SLC7A14: variants seen among roughly 807,000 people sequenced by gnomAD.
The protein encoded by SLC7A14 is gamma-aminobutyric acid transporter SLC7A14.
In SLC7A14, 37 loss-of-function variants were observed where a neutral mutation model predicts 60.2. The ratio of observed to expected loss-of-function variants is 0.61; its 90% CI spans 0.47 to 0.81. SLC7A14 has a LOEUF of 0.81. Among genes scored for constraint, SLC7A14 ranks in the 30% least tolerant of loss-of-function variants. The pLI, the probability that SLC7A14 is intolerant of heterozygous loss-of-function variation, is 0.00. For synonymous variants in SLC7A14, 399 were observed against 395.8 expected (o/e 1.01, Z -0.10); for missense variants, 886 against 982.7 (o/e 0.90, Z 1.32).
intron 1 of SLC7A14, among the ~76,000 whole-genome samples, chr3:170,548,862 C>T (rs555844364): frequency 6.6e-6 from 1 of 150,664 alleles, no homozygotes; most frequent in Non-Finnish European, 1.5e-5. Flanking sequence ...TCCTTTGGAG[C>T]ACGTTATGTA....
chr3:170,460,417 T>G lies in SLC7A14; in HGVS notation c.*6638A>C, dbSNP rs1055443240. 6.6e-6 allele frequency: 1 copy of G among 152,206 alleles called. No individual in the cohort carries two copies. The highest frequency in any genetic ancestry group is 2.4e-5 in the African/African-American group (1 of 41,448). 9.4% of individuals were successfully genotyped at this position (152,206 alleles called of 1,614,324 possible). ...CTCTCAGCCCAGACAGTTGAGGTAT[T>G]TATGCACCATCATAACATTAACAGC... is the stretch of plus-strand genomic sequence containing the variant. On this transcript the variant is annotated 3_prime_UTR_variant, in exon 8 of 8. Transcript: ENST00000231706.
intron 5 of SLC7A14, 48 bp from the exon 6 acceptor site, chr3:170,483,570 C>G: frequency 6.2e-7 from 1 of 1,603,690 alleles, no homozygotes; most frequent in Non-Finnish European, 8.5e-7. Context: ...GGAAGAACAG[C>G]ATGGATAGAG....
At chr3:170,540,782 A>G (rs1713997424) in intron 1 of SLC7A14, among the ~76,000 whole-genome samples, 1 of 152,204 alleles carries the variant, frequency 6.6e-6, no homozygotes, top group Non-Finnish European at 1.5e-5. Flanking sequence ...TTTTTAAATG[A>G]ATATCCAGCC....
At chr3:170,534,840 AC>A (rs1343717777) in intron 1 of SLC7A14, among the ~76,000 whole-genome samples, 2 of 152,178 alleles carry the variant, frequency 1.3e-5, no homozygotes, top group African/African-American at 4.8e-5. Flanking sequence ...ATTTCTACTG[AC>A]ACAAATAGTT....
At position 170,499,341 on chromosome 3, in the gene SLC7A14, C is replaced by A. The variant is rs183363267; in HGVS notation, c.542-457G>T. 2.8e-3 allele frequency among the ~76,000 whole-genome samples: 398 copies of A among 143,396 alleles called. 1 individual carries two copies. Among genetic ancestry groups the A allele is most frequent in the Non-Finnish European group, 4.3e-3 (291 of 66,942 alleles). 94.1% of individuals were successfully genotyped at this position (143,396 alleles called of 152,430 possible). On this transcript the variant is annotated intron_variant, in intron 3 of 7. Coordinates refer to ENST00000231706, the MANE Select transcript of SLC7A14 (RefSeq NM_020949.3). ...CTACACATGCCTATGCTATAGTCCA[C>A]AAGCAGATACCAGTATCTATTTGCA... is the stretch of plus-strand genomic sequence containing the variant.
intron 2 of SLC7A14, among the ~76,000 whole-genome samples, chr3:170,501,720 A>G (rs1712614826): frequency 6.6e-6 from 1 of 152,186 alleles, no homozygotes; most frequent in Non-Finnish European, 1.5e-5. Context: ...TTATGCACAA[A>G]CTTCTTCTCT....
chr3:170,483,085 G>T (rs1052120409), intron 6 of SLC7A14, among the ~76,000 whole-genome samples: 4 of 152,038 alleles, frequency 2.6e-5, no homozygotes, highest in Admixed American at 2.6e-4. Flanking sequence ...GAGGACAGTG[G>T]GGGGACACAC....
chr3:170,490,233 A>G (rs910454519), intron 4 of SLC7A14, among the ~76,000 whole-genome samples: 4 of 152,228 alleles, frequency 2.6e-5, no homozygotes, highest in Admixed American at 1.3e-4. Context: ...CTAAGTACCC[A>G]CAAAACAAAC....
chr3:170,537,660 A>G (rs1249577186), intron 1 of SLC7A14, among the ~76,000 whole-genome samples: 1 of 152,166 alleles, frequency 6.6e-6, no homozygotes, highest in Admixed American at 6.5e-5. Flanking sequence ...AACCAGAACT[A>G]CATGTACCTA....
chr3:170,584,758 A>G (rs1454549812), intron 1 of SLC7A14, among the ~76,000 whole-genome samples: 1 of 152,064 alleles, frequency 6.6e-6, no homozygotes, highest in Non-Finnish European at 1.5e-5. Flanking sequence ...GAGGAGAGCT[A>G]CCTTGCCCCC....
chr3:170,507,960 G>A lies in SLC7A14; in HGVS notation c.305-6615C>T, dbSNP rs146711635. Reference sequence around the variant, plus strand: ...GAAGAGGTGTCAGTTGCTCATCAGAGTTGTTCTTTTATTTTATAGATGATG... The same window carrying A: ...GAAGAGGTGTCAGTTGCTCATCAGAATTGTTCTTTTATTTTATAGATGATG... On this transcript the variant is annotated intron_variant, in intron 2 of 7. Transcript: ENST00000231706. Among the ~76,000 whole-genome samples, 31 of 152,292 alleles carry A rather than the reference G, an allele frequency of 2.0e-4. 1 individual carries two copies. The East Asian group carries it at 6.0e-3, about 29-fold the overall frequency.
Position 170,505,202 on chromosome 3 carries a change from GA to G in SLC7A14, c.305-3858del, listed in dbSNP as rs1166019456. 3.3e-5 allele frequency among the ~76,000 whole-genome samples: 5 copies of G among 151,994 alleles called. No homozygotes were observed. The East Asian group carries it at 7.7e-4, about 24-fold the overall frequency. On this transcript the variant is annotated intron_variant, in intron 2 of 7. Coordinates refer to ENST00000231706, the MANE Select transcript of SLC7A14 (RefSeq NM_020949.3). ...TCTCTTGTTTGGTTTGGAATTTACC[GA>G]CTTGATCATCATTTTGGAAGACCAT...
intron 1 of SLC7A14, among the ~76,000 whole-genome samples, chr3:170,578,166 G>C (rs1426031433): frequency 6.6e-6 from 1 of 152,250 alleles, no homozygotes; most frequent in East Asian, 1.9e-4. Flanking sequence ...ATCTATTTCT[G>C]GTGGTGTGGC....
chr3:170,494,651 C>A lies in SLC7A14; in HGVS notation c.759+4016G>T, dbSNP rs927002464. Among the ~76,000 whole-genome samples, 7 of 152,300 alleles carry A rather than the reference C, an allele frequency of 4.6e-5. No homozygotes were observed. The East Asian group carries it at 1.2e-3, about 25-fold the overall frequency. The stretch of plus-strand genomic sequence containing the variant: ...CTAGAGTGTGTGCCGTTTGGGTGAG[C>A]TAATAGGAGGATTTTGAAAATTAAA... On this transcript the variant is annotated intron_variant, in intron 4 of 7. Coordinates refer to ENST00000231706, the MANE Select transcript of SLC7A14 (RefSeq NM_020949.3).
At chr3:170,494,991 C>A (rs368269153) in intron 4 of SLC7A14, among the ~76,000 whole-genome samples, 5 of 152,176 alleles carry the variant, frequency 3.3e-5, no homozygotes, top group Admixed American at 6.5e-5. Context: ...AGTTTCGCAG[C>A]CTCTATGAGG....
intron 1 of SLC7A14, among the ~76,000 whole-genome samples, chr3:170,561,818 A>G (rs1023504124): frequency 5.3e-5 from 8 of 152,220 alleles, no homozygotes; most frequent in Non-Finnish European, 1.2e-4. Flanking sequence ...TATCCCTTCA[A>G]AAAGTGGACT....
At chr3:170,580,664 A>G (rs1715210773) in intron 1 of SLC7A14, among the ~76,000 whole-genome samples, 1 of 152,224 alleles carries the variant, frequency 6.6e-6, no homozygotes, top group African/African-American at 2.4e-5. Context: ...CTCTAAACAA[A>G]GGTAAACTAG....
intron 7 of SLC7A14, among the ~76,000 whole-genome samples, chr3:170,469,140 C>G (rs1739807596): frequency 6.6e-6 from 1 of 152,174 alleles, no homozygotes; most frequent in Non-Finnish European, 1.5e-5. Flanking sequence ...ACATCCTCCT[C>G]TGAGTAGCAC....
intron 7 of SLC7A14, among the ~76,000 whole-genome samples, chr3:170,471,627 T>C (rs746138224): frequency 6.6e-6 from 1 of 152,198 alleles, no homozygotes; most frequent in Non-Finnish European, 1.5e-5. Context: ...GATGCCATCA[T>C]TGCTTGAAGT....
Sources: allele counts gnomAD v4.1 joint callset (sites outside exome capture counted in the v4.1 genomes callset), GRCh38; gene constraint gnomAD v4.1.1; transcripts MANE v1.5; gene names NCBI Gene and HGNC (gene_info 2026-07-23, HGNC 2026-07-21).